The following ASTN1 variants were observed in gnomAD, a reference collection of about 807,000 sequenced individuals.
ASTN1 encodes the protein astrotactin-1.
A neutral mutation model predicts 140.7 loss-of-function variants in ASTN1; 41 were observed. The observed-to-expected ratio is 0.29, with a 90% CI of 0.23 to 0.38. ASTN1 has a LOEUF of 0.38. Among genes scored for constraint, ASTN1 ranks in the 10% least tolerant of loss-of-function variants. ASTN1 has a pLI of 1.00. For missense variants in ASTN1, 1,479 were observed against 1,678.8 expected, an observed-to-expected ratio of 0.88 and a Z score of 2.08; for synonymous variants, 640 against 652.2, an observed-to-expected ratio of 0.98 and a Z score of 0.29.
At chr1:177,113,283 C>T (rs1053604306) in intron 1 of ASTN1, among the ~76,000 whole-genome samples, 9 of 152,176 alleles carry the variant, frequency 5.9e-5, no homozygotes, top group African/African-American at 9.7e-5. Context: ...CAGGAAAGAG[C>T]CCACTGTCCC....
rs1481436482 is a variant in ASTN1, at chr1:177,022,537, A to G, written c.1438+867T>C. On this transcript the variant is annotated intron_variant, in intron 7 of 22. Transcript: ENST00000361833. ...TTGTTGGAACCCAAGGAGCAATGGG[A>G]GAGCTCTAATTCATGCCACACTAGA... is the stretch of plus-strand genomic sequence containing the variant. 4.6e-5 allele frequency among the ~76,000 whole-genome samples: 7 copies of G among 152,206 alleles called. No homozygotes were observed. In the East Asian group the frequency reaches 1.3e-3, roughly 29 times the overall value.
intron 8 of ASTN1, among the ~76,000 whole-genome samples, chr1:176,986,853 T>C (rs568480302): frequency 6.6e-6 from 1 of 152,366 alleles, no homozygotes; most frequent in East Asian, 1.9e-4. Flanking sequence ...CTGCTTATAG[T>C]GGCAGGCACA....
At chr1:176,965,115 C>T in intron 9 of ASTN1, 48 bp downstream of exon 9, 1 of 1,564,006 alleles carries the variant, frequency 6.4e-7, no homozygotes, top group Non-Finnish European at 8.8e-7. Context: ...GGAAGCGGAA[C>T]ACAGGGTTTG....
chr1:176,895,773 A>T (rs1198642281), intron 16 of ASTN1, among the ~76,000 whole-genome samples: 2 of 152,204 alleles, frequency 1.3e-5, no homozygotes, highest in Non-Finnish European at 2.9e-5. Context: ...AGTCCTCATG[A>T]TTCTCCATTT....
chr1:177,107,089 C>G (rs1680581046), intron 1 of ASTN1, among the ~76,000 whole-genome samples: 1 of 152,130 alleles, frequency 6.6e-6, no homozygotes, highest in African/African-American at 2.4e-5. Flanking sequence ...GGTTCAGGGC[C>G]TTGCTCTTGA....
chr1:176,985,845 T>TCC (rs1373839321), intron 8 of ASTN1, among the ~76,000 whole-genome samples: 3 of 129,666 alleles, frequency 2.3e-5, no homozygotes, highest in Admixed American at 7.7e-5. Flanking sequence ...TCTCTCTCTC[T>TCC]ACACACACAC....
chr1:177,162,750 G>A (rs1647459026), intron 1 of ASTN1, among the ~76,000 whole-genome samples: 1 of 152,074 alleles, frequency 6.6e-6, no homozygotes, highest in Non-Finnish European at 1.5e-5. Context: ...ATACTATGAT[G>A]AACAGATTGT....
chr1:177,086,230 T>G (rs1679462815), intron 1 of ASTN1, among the ~76,000 whole-genome samples: 1 of 147,160 alleles, frequency 6.8e-6, no homozygotes, highest in South Asian at 2.3e-4. Flanking sequence ...GTGAGCTTCT[T>G]TCCTCTTTCT....
At chr1:177,150,284 C>G (rs1479361543) in intron 1 of ASTN1, among the ~76,000 whole-genome samples, 2 of 151,940 alleles carry the variant, frequency 1.3e-5, no homozygotes, top group Non-Finnish European at 2.9e-5. Flanking sequence ...TTTTCAGGAC[C>G]AAATGTAGAC....
intron 1 of ASTN1, among the ~76,000 whole-genome samples, 190 bp downstream of exon 1, chr1:177,164,204 G>A (rs569975012): frequency 6.6e-6 from 1 of 152,206 alleles, no homozygotes; most frequent in South Asian, 2.1e-4. Flanking sequence ...CGGATTTGGG[G>A]AGAAGTCAGG....
At chr1:177,075,471 G>T (rs1182653200) in intron 1 of ASTN1, among the ~76,000 whole-genome samples, 5 of 151,066 alleles carry the variant, frequency 3.3e-5, no homozygotes, top group Non-Finnish European at 5.9e-5. Flanking sequence ...TTTGCTGGAG[G>T]TTTCCTTAGT....
chr1:177,078,414 T>C (rs996541140), intron 1 of ASTN1, among the ~76,000 whole-genome samples: 5 of 152,064 alleles, frequency 3.3e-5, no homozygotes, highest in African/African-American at 1.2e-4. Flanking sequence ...GTGAACACCC[T>C]TTGGGAGATC....
Position 176,894,812 on chromosome 1 carries a change from T to G in ASTN1, c.2690A>C (p.Glu897Ala). 6.2e-7 allele frequency: 1 copy of G among 1,613,946 alleles called. No individual in the cohort carries two copies. The highest frequency in any genetic ancestry group is 8.5e-7 in the Non-Finnish European group (1 of 1,180,036). ...DISKGNSPSD[E>A]SEERERDPKV... ...GGGGTCTCTTTCCCGCTCCTCAGAC[T>G]CATCTGATGGGGAGTTGCCTGCAGA... Residue 897 changes from glutamate (E) to alanine (A), a missense_variant, in exon 17 of 23, where the codon GAG becomes GCG. By Grantham distance (107) the Glu-to-Ala change is moderately radical (BLOSUM62 -1). Coordinates refer to ENST00000361833, the MANE Select transcript of ASTN1 (RefSeq NM_004319.3).
At chr1:177,077,256 G>A (rs921771980) in intron 1 of ASTN1, among the ~76,000 whole-genome samples, 1 of 152,078 alleles carries the variant, frequency 6.6e-6, no homozygotes, top group Non-Finnish European at 1.5e-5. Flanking sequence ...TCCCAGTACT[G>A]GCTTGGGATG....
At chr1:176,865,520 T>C (rs1557919936) in intron 22 of ASTN1, among the ~76,000 whole-genome samples, 4 of 152,210 alleles carry the variant, frequency 2.6e-5, no homozygotes, top group African/African-American at 9.7e-5. Context: ...TTTTTCTTAT[T>C]CTTTAAAAAT....
chr1:176,915,086 A>C (rs947193579), intron 16 of ASTN1, among the ~76,000 whole-genome samples: 5 of 152,216 alleles, frequency 3.3e-5, no homozygotes, highest in Admixed American at 2.6e-4. Flanking sequence ...TTAAAATTCT[A>C]ATATTTATTA....
chr1:176,887,962 T>C, intron 18 of ASTN1, 109 bp downstream of exon 18: 1 of 1,457,984 alleles, frequency 6.9e-7, no homozygotes. Flanking sequence ...AGGCAGGTAT[T>C]GTGTCATATT....
intron 12 of ASTN1, among the ~76,000 whole-genome samples, chr1:176,947,635 A>G (rs939964017): frequency 6.6e-6 from 1 of 152,198 alleles, no homozygotes; most frequent in Non-Finnish European, 1.5e-5. Flanking sequence ...CTGGGACAAG[A>G]TAGTGAAGTG....
chr1:177,102,671 C>G (rs1004913844), intron 1 of ASTN1, among the ~76,000 whole-genome samples: 8 of 152,194 alleles, frequency 5.3e-5, no homozygotes, highest in Admixed American at 3.3e-4. Context: ...GGTCAGACTA[C>G]TTTCTTAATT....
Sources: gnomAD v4.1 joint callset for allele counts (sites outside exome capture counted in the v4.1 genomes callset) on GRCh38, gnomAD v4.1.1 for gene constraint, MANE v1.5 for transcripts, NCBI Gene and HGNC (gene_info 2026-07-23, HGNC 2026-07-21) for gene names.